DRC4: variants seen among roughly 807,000 people sequenced by gnomAD.
DRC4 encodes the protein GAS-11.
chr16:90,032,686 G>A, the DRC4 span: 2 of 1,606,832 alleles, frequency 1.2e-6, no homozygotes, highest in Non-Finnish European at 1.7e-6. Context: ...GTGTGGTGCA[G>A]GTGAGCAGAT....
At chr16:90,041,006 C>G in the DRC4 span, among the ~76,000 whole-genome samples, 5 of 152,116 alleles carry the variant, frequency 3.3e-5, no homozygotes, top group Admixed American at 1.3e-4. Flanking sequence ...GGACTGAAAA[C>G]TCATCTTTGT....
chr16:90,038,447 T>A, the DRC4 span, among the ~76,000 whole-genome samples: 6 of 152,256 alleles, frequency 3.9e-5, no homozygotes, highest in Non-Finnish European at 7.3e-5. Context: ...TGTGAACGTT[T>A]GATCATTTAG....
At chr16:90,028,834 G>T in the DRC4 span, 2 of 804,790 alleles carry the variant, frequency 2.5e-6, no homozygotes, top group Non-Finnish European at 3.4e-6. Context: ...ATAGTTGTAA[G>T]ATAAAAAATC....
At chr16:90,030,084 C>A in the DRC4 span, among the ~76,000 whole-genome samples, 1 of 152,032 alleles carries the variant, frequency 6.6e-6, no homozygotes, top group African/African-American at 2.4e-5. Context: ...GAAATGAGCT[C>A]CCGAGAAAGC....
chr16:90,031,819 T>A, the DRC4 span, among the ~76,000 whole-genome samples: 1 of 152,108 alleles, frequency 6.6e-6, no homozygotes, highest in Non-Finnish European at 1.5e-5. Flanking sequence ...AGTGTACAGG[T>A]TTGCATAGGT....
chr16:90,037,416 A>T, the DRC4 span: 2 of 1,601,798 alleles, frequency 1.2e-6, no homozygotes, highest in African/African-American at 2.7e-5. Context: ...TTCCCGCTGG[A>T]TTCCTCTCCC....
At chr16:90,036,455 C>T in the DRC4 span, 3 of 1,614,136 alleles carry the variant, frequency 1.9e-6, no homozygotes, top group East Asian at 2.2e-5. Context: ...GACTGAGCTC[C>T]ACGAAGTGGA....
At chr16:90,040,964 G>C in the DRC4 span, among the ~76,000 whole-genome samples, 6 of 152,160 alleles carry the variant, frequency 3.9e-5, no homozygotes, top group Non-Finnish European at 8.8e-5. Flanking sequence ...TATAGGAGGG[G>C]CCTCACCTGG....
the DRC4 span, among the ~76,000 whole-genome samples, chr16:90,025,396 A>C: frequency 2.0e-5 from 3 of 151,320 alleles, no homozygotes; most frequent in South Asian, 4.2e-4. Context: ...TCACGCCTGT[A>C]ATCCCAGCAC....
the DRC4 span, chr16:90,031,178 G>A: frequency 2.0e-6 from 3 of 1,531,748 alleles, no homozygotes; most frequent in African/African-American, 1.4e-5. Flanking sequence ...ACATTTAGCT[G>A]TTTATTTTTA....
the DRC4 span, chr16:90,043,133 C>G: frequency 6.5e-7 from 1 of 1,539,660 alleles, no homozygotes; most frequent in Non-Finnish European, 8.8e-7. Context: ...TGGAGCTGCA[C>G]TCAGCTCTGG....
At chr16:90,024,158 A>ACACACACACACACACAC in the DRC4 span, among the ~76,000 whole-genome samples, 9 of 151,124 alleles carry the variant, frequency 6.0e-5, no homozygotes, top group South Asian at 2.1e-4. Context: ...ACACACACAC[A>ACACACACACACACACAC]AAATTAGCCG....
the DRC4 span, among the ~76,000 whole-genome samples, chr16:90,030,618 C>T: frequency 6.7e-6 from 1 of 149,444 alleles, no homozygotes; most frequent in African/African-American, 2.5e-5. Context: ...CCATGCCTGG[C>T]TGTTTGTGTA....
the DRC4 span, chr16:90,037,384 C>A: frequency 1.9e-6 from 3 of 1,612,590 alleles, no homozygotes; most frequent in Non-Finnish European, 2.5e-6. Flanking sequence ...ACGAGAGGGA[C>A]AAGCAGATCC....
the DRC4 span, among the ~76,000 whole-genome samples, chr16:90,025,902 G>A: frequency 1.3e-5 from 2 of 151,602 alleles, no homozygotes; most frequent in Non-Finnish European, 2.9e-5. Context: ...AATGGATTTA[G>A]GTTTTAATGT....
the DRC4 span, among the ~76,000 whole-genome samples, chr16:90,030,707 C>A: frequency 1.3e-5 from 2 of 152,164 alleles, no homozygotes; most frequent in South Asian, 4.2e-4. Flanking sequence ...GCCTCAACCC[C>A]CTGAGCTTGA....
the DRC4 span, among the ~76,000 whole-genome samples, chr16:90,023,292 GT>G: frequency 6.6e-6 from 1 of 152,210 alleles, no homozygotes; most frequent in East Asian, 1.9e-4. Flanking sequence ...AGGAACCACT[GT>G]TCCCTTGGAA....
the DRC4 span, chr16:90,036,594 G>A: frequency 6.4e-7 from 1 of 1,563,134 alleles, no homozygotes; most frequent in Non-Finnish European, 8.7e-7. Flanking sequence ...AAGGTGCTGT[G>A]CGTGGGCTGG....
chr16:90,044,370 T>A, the DRC4 span: 1 of 412,086 alleles, frequency 2.4e-6, no homozygotes, highest in Non-Finnish European at 4.9e-6. Flanking sequence ...TCAAAGCAAG[T>A]GAGCTCACCT....
Sources: allele counts gnomAD v4.1 joint callset (sites outside exome capture counted in the v4.1 genomes callset), GRCh38; gene constraint gnomAD v4.1.1; transcripts MANE v1.5; gene names NCBI Gene and HGNC (gene_info 2026-07-23, HGNC 2026-07-21).